Variants in NUF2 observed in about 807,000 individuals in gnomAD.
The protein encoded by NUF2 is NUF2 component of NDC80 kinetochore complex.
Under a neutral mutation model 61.8 loss-of-function variants are expected in NUF2, and 34 were observed. The observed-to-expected ratio is 0.55, with a 90% CI of 0.42 to 0.73. The LOEUF (loss-of-function observed/expected upper bound fraction) is 0.73, where lower values mean the gene tolerates loss of function less well. Ranked by LOEUF, NUF2 falls within the 30% of genes least tolerant of loss-of-function variation. The probability of loss-of-function intolerance (pLI) is 0.00; values close to 1 mark genes in which losing one functional copy is unlikely to be tolerated. For synonymous variants in NUF2, 172 were observed against 181.6 expected, an observed-to-expected ratio of 0.95 and a Z score of 0.42; for missense variants, 445 against 539.1, an observed-to-expected ratio of 0.83 and a Z score of 1.73.
intron 7 of NUF2, chr1:163,339,137 AT>A: frequency 2.5e-6 from 1 of 398,112 alleles, no homozygotes; most frequent in South Asian, 4.1e-5. Context: ...GTTAGAAAGG[AT>A]AGGTATGTGT....
intron 7 of NUF2, 112 bp from the exon 8 acceptor site, chr1:163,339,269 T>G (rs1571387312): frequency 3.1e-6 from 2 of 653,330 alleles, no homozygotes; most frequent in East Asian, 5.5e-5. Flanking sequence ...AGGGTGTAAT[T>G]CAGAAACATA....
chr1:163,343,225 C>T (rs1651007441), intron 9 of NUF2, among the ~76,000 whole-genome samples: 1 of 152,150 alleles, frequency 6.6e-6, no homozygotes, highest in Non-Finnish European at 1.5e-5. Context: ...TACATTTTCA[C>T]AACTCCAATT....
intron 6 of NUF2, among the ~76,000 whole-genome samples, chr1:163,337,478 G>A (rs867908386): frequency 2.6e-5 from 4 of 152,004 alleles, no homozygotes; most frequent in Admixed American, 6.5e-5. Flanking sequence ...GAGCTATATA[G>A]ATCCGTACTT....
rs781223869 is a variant in NUF2 at position 163,326,077 on chromosome 1, A to G, written c.26A>G (p.Tyr9Cys). The change falls in exon 2 of 14, where the codon TAT becomes TGT. Residue 9 changes from tyrosine (Y) to cysteine (C), a missense_variant. By Grantham distance (194) the Tyr-to-Cys change is radical. Coordinates refer to ENST00000271452, the MANE Select transcript of NUF2 (RefSeq NM_145697.3). ...ATGGAAACTTTGTCTTTCCCCAGAT[A>G]TAATGTAGCTGAGATTGTGATTCAT... METLSFPRYNVAEIVIHIR... is the reference protein window; with the variant it reads METLSFPRCNVAEIVIHIR... The G allele has an allele frequency of 1.2e-6, 2 of 1,612,616 alleles. No homozygotes were observed. The highest frequency in any genetic ancestry group is 1.7e-6 in the Non-Finnish European group (2 of 1,179,044).
At chr1:163,324,650 C>T (rs1291402886) in intron 1 of NUF2, among the ~76,000 whole-genome samples, 1 of 152,110 alleles carries the variant, frequency 6.6e-6, no homozygotes, top group African/African-American at 2.4e-5. Flanking sequence ...GAAGGTAACA[C>T]AACAGGTATT....
chr1:163,323,858 G>C (rs1222293982), intron 1 of NUF2, among the ~76,000 whole-genome samples: 2 of 152,012 alleles, frequency 1.3e-5, no homozygotes, highest in Non-Finnish European at 2.9e-5. Flanking sequence ...TGACACAGCA[G>C]ATGGTGACCA....
intron 13 of NUF2, among the ~76,000 whole-genome samples, chr1:163,354,196 T>A (rs184495615): frequency 2.5e-3 from 375 of 152,338 alleles, no homozygotes; most frequent in African/African-American, 8.8e-3. Context: ...TTTTGATTTA[T>A]TTTCCTATTG....
At chr1:163,323,342 T>C (rs1650301542) in intron 1 of NUF2, among the ~76,000 whole-genome samples, 1 of 152,192 alleles carries the variant, frequency 6.6e-6, no homozygotes, top group South Asian at 2.1e-4. Flanking sequence ...TTTAAGGCTG[T>C]GACTTAGATG....
intron 4 of NUF2, chr1:163,328,604 A>G: frequency 3.9e-6 from 2 of 506,956 alleles, no homozygotes; most frequent in Non-Finnish European, 3.5e-6. Flanking sequence ...CACCAAGTTT[A>G]TGTACTATTT....
rs1203246377 is a variant in NUF2 at position 163,351,624 on chromosome 1, A to C, written c.1260+2544A>C. 2.0e-5 allele frequency among the ~76,000 whole-genome samples: 3 copies of C among 152,314 alleles called. No homozygotes were observed. The South Asian group carries it at 6.2e-4, about 32-fold the overall frequency. On this transcript the variant is annotated intron_variant, in intron 13 of 13. Coordinates refer to ENST00000271452, the MANE Select transcript of NUF2 (RefSeq NM_145697.3). ...CCTAGAGGCGTAGAACTATTGATCA[A>C]AACTTTGGGTACAATTCTTCAACTT...
At chr1:163,326,635 A>G (rs1372382203) in intron 2 of NUF2, among the ~76,000 whole-genome samples, 2 of 152,172 alleles carry the variant, frequency 1.3e-5, no homozygotes, top group Admixed American at 6.5e-5. Context: ...ATTGTTTTTT[A>G]TATCTTTAGT....
intron 2 of NUF2, among the ~76,000 whole-genome samples, chr1:163,327,199 CTCT>C (rs941092660): frequency 2.0e-5 from 3 of 151,662 alleles, no homozygotes; most frequent in Non-Finnish European, 4.4e-5. Flanking sequence ...GAAAGATTAA[CTCT>C]TCTTCTTCTA....
chr1:163,336,255 G>T (rs1353070418), intron 5 of NUF2, among the ~76,000 whole-genome samples: 5 of 152,084 alleles, frequency 3.3e-5, no homozygotes, highest in African/African-American at 7.2e-5. Flanking sequence ...TTAATACTCA[G>T]TTCCATAAAT....
At chr1:163,344,240 TGTAG>T (rs1651044724) in intron 10 of NUF2, among the ~76,000 whole-genome samples, 1 of 152,114 alleles carries the variant, frequency 6.6e-6, no homozygotes, top group African/African-American at 2.4e-5. Context: ...TATGCATGTG[TGTAG>T]GTAGGGGTAT....
intron 10 of NUF2, among the ~76,000 whole-genome samples, chr1:163,345,216 T>C (rs1651083159): frequency 6.6e-6 from 1 of 152,162 alleles, no homozygotes; most frequent in South Asian, 2.1e-4. Flanking sequence ...TTTGTATTGT[T>C]ACCATGGTTG....
chr1:163,322,942 A>T (rs1457661734), intron 1 of NUF2: 1 of 152,222 alleles, frequency 6.6e-6, no homozygotes, highest in Non-Finnish European at 1.5e-5. Context: ...TGTACTTCGA[A>T]AGAATGATAG....
At chr1:163,345,870 G>C (rs1461595257) in intron 11 of NUF2, 52 bp downstream of exon 11, 1 of 1,282,894 alleles carries the variant, frequency 7.8e-7, no homozygotes, top group African/African-American at 1.5e-5. Context: ...GCTTACTATA[G>C]TTCCTTGTAT....
chr1:163,343,764 A>G lies in NUF2; in HGVS notation c.701A>G (p.Lys234Arg). ...NELKLSVVSL[K>R]EIQESLKTKI... Reference sequence around the variant, plus strand: ...CTAAAATTGTCGGTGGTTTCTTTGAAAGAAATACAAGAGAGTTTGAAAACA... The same window carrying G: ...CTAAAATTGTCGGTGGTTTCTTTGAGAGAAATACAAGAGAGTTTGAAAACA... Residue 234 changes from lysine to arginine, a missense_variant, in exon 10 of 14, where the codon AAA becomes AGA. By Grantham distance (26) the Lys-to-Arg change is conservative. Transcript: ENST00000271452. 1 of 1,427,898 alleles carries G rather than the reference A, an allele frequency of 7.0e-7. No homozygotes were observed. Among genetic ancestry groups the G allele is most frequent in the Non-Finnish European group, 9.3e-7 (1 of 1,074,092 alleles). 88.5% of individuals were successfully genotyped at this position (1,427,898 alleles called of 1,614,324 possible). A position where few individuals can be genotyped will look rare whatever the true frequency, so the allele number is the denominator to read the frequency against.
chr1:163,354,482 G>A (rs1174261214), intron 13 of NUF2, among the ~76,000 whole-genome samples: 1 of 151,966 alleles, frequency 6.6e-6, no homozygotes, highest in African/African-American at 2.4e-5. Context: ...AAATCAGATC[G>A]TATCTCTGCT....
Sources: allele counts gnomAD v4.1 joint callset (sites outside exome capture counted in the v4.1 genomes callset), GRCh38; gene constraint gnomAD v4.1.1; transcripts MANE v1.5; gene names NCBI Gene and HGNC (gene_info 2026-07-23, HGNC 2026-07-21).